The following LEPR variants were observed in gnomAD, a reference collection of about 807,000 sequenced individuals.
LEPR encodes the protein OB receptor.
A neutral mutation model predicts 114.7 loss-of-function variants in LEPR; 56 were observed. That is an observed-to-expected ratio of 0.49 (90% CI 0.39 to 0.61). The LOEUF (loss-of-function observed/expected upper bound fraction) is 0.61, where lower values mean the gene tolerates loss of function less well. Ranked by LOEUF, LEPR falls within the 20% of genes least tolerant of loss-of-function variation. The probability of loss-of-function intolerance (pLI) is 0.00; values close to 1 mark genes in which losing one functional copy is unlikely to be tolerated. For synonymous variants in LEPR, 443 were observed against 461.4 expected (o/e 0.96, Z 0.51); for missense variants, 1,202 against 1,352.9 (o/e 0.89, Z 1.75).
At chr1:65,635,464 A>G (rs1044567737) in intron 19 of LEPR, 1 of 756,188 alleles carries the variant, frequency 1.3e-6, no homozygotes, top group African/African-American at 1.9e-5. Flanking sequence ...TCACATGTCC[A>G]TAGTAAATAT....
In LEPR at chr1:65,633,258, G is replaced by C. The variant is rs1658596608; in HGVS notation, c.2674-2933G>C. ...TAGAAGATTTTTACATTTTGAAGAA[G>C]GGGAGCAAATCTAAAAAAAATTCAG... is the stretch of plus-strand genomic sequence containing the variant. On this transcript the variant is annotated intron_variant, in intron 19 of 19. Coordinates refer to ENST00000349533, the MANE Select transcript of LEPR (RefSeq NM_002303.6). This position sits in a 1 kb window ranked among gnomAD's most constrained non-coding sequence, Gnocchi z 4.1. 1.3e-6 allele frequency: 2 copies of C among 1,562,830 alleles called. No individual in the cohort carries two copies. The highest frequency in any genetic ancestry group is 1.7e-6 in the Non-Finnish European group (2 of 1,158,900).
rs1344015 is a variant in LEPR at position 65,597,311 on chromosome 1, A to G, written c.849+718A>G. ...TATACCTATTGTGATGATTCCAAAT[A>G]AAGTCTTCCTTACTTCCTTTCTCTT... On this transcript the variant is annotated intron_variant, in intron 7 of 19. Coordinates refer to ENST00000349533, the MANE Select transcript of LEPR (RefSeq NM_002303.6). 9.1e-3 allele frequency among the ~76,000 whole-genome samples: 1,389 copies of G among 152,244 alleles called. 55 individuals carry two copies. Among genetic ancestry groups the G allele is most frequent in the Admixed American group, 0.07 (1,067 of 15,270 alleles).
intron 10 of LEPR, 129 bp downstream of exon 10, chr1:65,602,089 C>G: frequency 3.5e-6 from 3 of 861,452 alleles, no homozygotes; most frequent in African/African-American, 1.7e-5. Context: ...TATAATGAAT[C>G]AGGAAATTTT....
At chr1:65,618,879 G>T (rs1305528345) in intron 16 of LEPR, among the ~76,000 whole-genome samples, 2 of 152,034 alleles carry the variant, frequency 1.3e-5, no homozygotes, top group African/African-American at 4.8e-5. Flanking sequence ...CTGCCAAATT[G>T]TTTCCTCAAA....
At chr1:65,429,964 C>T (rs766227049) in intron 2 of LEPR, 1 of 1,578,524 alleles carries the variant, frequency 6.3e-7, no homozygotes, top group Non-Finnish European at 8.7e-7. Flanking sequence ...CCAGTAGTGC[C>T]TGTCGGGAAC....
chr1:65,533,201 A>G (rs2100629266), intron 2 of LEPR, among the ~76,000 whole-genome samples: 1 of 152,278 alleles, frequency 6.6e-6, no homozygotes, highest in Middle Eastern at 3.4e-3. Context: ...ATATTAGGGA[A>G]GAACTCAGTA....
At chr1:65,456,549 T>C (rs1646878897) in intron 2 of LEPR, among the ~76,000 whole-genome samples, 2 of 152,182 alleles carry the variant, frequency 1.3e-5, no homozygotes, top group Non-Finnish European at 2.9e-5. Flanking sequence ...CAGACCTCTT[T>C]ATTGCTATGT....
intron 2 of LEPR, among the ~76,000 whole-genome samples, chr1:65,507,397 C>T (rs182856028): frequency 6.7e-6 from 1 of 150,128 alleles, no homozygotes; most frequent in East Asian, 2.0e-4. Flanking sequence ...TCATATTGTC[C>T]CAAATGACAG....
chr1:65,513,927 T>C (rs1649156919), intron 2 of LEPR, among the ~76,000 whole-genome samples: 2 of 152,224 alleles, frequency 1.3e-5, no homozygotes, highest in African/African-American at 4.8e-5. Context: ...TTGGATAATT[T>C]TGTAGTTTTT....
intron 11 of LEPR, among the ~76,000 whole-genome samples, 169 bp downstream of exon 11, chr1:65,605,406 T>C (rs1267314644): frequency 6.6e-6 from 1 of 152,248 alleles, no homozygotes; most frequent in Non-Finnish European, 1.5e-5. Context: ...TTTTACAGTT[T>C]TGAATTCATT....
intron 2 of LEPR, among the ~76,000 whole-genome samples, chr1:65,558,156 GA>G (rs1652956341): frequency 6.6e-6 from 1 of 152,134 alleles, no homozygotes; most frequent in South Asian, 2.1e-4. Context: ...TTTATTTTAT[GA>G]GAACATCTTA....
intron 2 of LEPR, among the ~76,000 whole-genome samples, chr1:65,530,628 G>A (rs920775673): frequency 6.6e-6 from 1 of 152,188 alleles, no homozygotes; most frequent in African/African-American, 2.4e-5. Flanking sequence ...GAGTGTAGTA[G>A]TGGGGACAAC....
intron 2 of LEPR, chr1:65,432,196 A>G: frequency 1.8e-6 from 2 of 1,084,246 alleles, no homozygotes; most frequent in Non-Finnish European, 2.2e-6. Context: ...GCAGTCTTGT[A>G]GGCAGCTGCC....
intron 12 of LEPR, 75 bp downstream of exon 12, chr1:65,608,976 G>T (rs1233945093): frequency 6.4e-7 from 1 of 1,565,160 alleles, no homozygotes; most frequent in Non-Finnish European, 8.8e-7. Flanking sequence ...AATTGCATTA[G>T]ATTAATTTTA....
intron 2 of LEPR, among the ~76,000 whole-genome samples, chr1:65,503,386 CAT>C (rs1340583927): frequency 1.3e-5 from 2 of 152,230 alleles, no homozygotes; most frequent in African/African-American, 2.4e-5. Context: ...ATGCTACAAA[CAT>C]ATGATAAAAC....
intron 6 of LEPR, among the ~76,000 whole-genome samples, chr1:65,595,352 T>C (rs1402531930): frequency 1.3e-5 from 2 of 152,106 alleles, no homozygotes; most frequent in African/African-American, 4.8e-5. Context: ...GGTTTCACAC[T>C]AGTAACTCCA....
chr1:65,459,474 C>G (rs1646917933), intron 2 of LEPR, among the ~76,000 whole-genome samples: 1 of 152,190 alleles, frequency 6.6e-6, no homozygotes. Flanking sequence ...CTACCTATCT[C>G]ACATGCCACT....
rs748855258 is a variant in LEPR, at chr1:65,608,866, C to T, written c.1717C>T (p.Arg573Cys). Residue 573 changes from arginine to cysteine, a missense_variant, in exon 12 of 20, where the codon CGC becomes TGC. Physicochemically the swap from Arg to Cys is radical, Grantham distance 180. Transcript: ENST00000349533. ...FPENNLQFQI[R>C]YGLSGKEVQW... ...AGAGAATAACCTTCAATTCCAGATT[C>T]GCTATGGTTTAAGTGGAAAAGAAGT... The T allele has an allele frequency of 7.4e-6, 12 of 1,613,518 alleles. No homozygotes were observed. Among genetic ancestry groups the T allele is most frequent in the African/African-American group, 5.3e-5 (4 of 74,890 alleles).
chr1:65,478,677 A>G (rs902496913), intron 2 of LEPR, among the ~76,000 whole-genome samples: 1 of 152,232 alleles, frequency 6.6e-6, no homozygotes, highest in Non-Finnish European at 1.5e-5. Flanking sequence ...GCTCAGTTGT[A>G]TGGAAGGAGC....
Sources: gnomAD v4.1 joint callset for allele counts (sites outside exome capture counted in the v4.1 genomes callset) on GRCh38, gnomAD v4.1.1 for gene constraint, Gnocchi (gnomAD v3.1) non-coding constraint, MANE v1.5 for transcripts, NCBI Gene and HGNC (gene_info 2026-07-23, HGNC 2026-07-21) for gene names.